The following NOSTRIN variants were observed in gnomAD, a reference collection of about 807,000 sequenced individuals.
NOSTRIN encodes nitric oxide synthase trafficking, also known as BM247 homolog.
A neutral mutation model predicts 59.0 loss-of-function variants in NOSTRIN; 63 were observed. The observed-to-expected ratio is 1.07, with a 90% CI of 0.87 to 1.32. NOSTRIN has a LOEUF of 1.32. NOSTRIN is among the 40% of genes most tolerant of loss of function. The pLI is 0.00. For synonymous variants in NOSTRIN, 200 were observed against 165.4 expected, an observed-to-expected ratio of 1.21 and a Z score of -1.61; for missense variants, 512 against 473.1, an observed-to-expected ratio of 1.08 and a Z score of -0.76.
At chr2:168,821,876 T>C (rs541892623) in intron 2 of NOSTRIN, among the ~76,000 whole-genome samples, 1 of 152,362 alleles carries the variant, frequency 6.6e-6, no homozygotes, top group Admixed American at 6.5e-5. Flanking sequence ...AGTCAGATCA[T>C]GCAGAGCTTT....
At chr2:168,818,896 C>T (rs1369247950) in intron 2 of NOSTRIN, among the ~76,000 whole-genome samples, 1 of 152,034 alleles carries the variant, frequency 6.6e-6, no homozygotes, top group Non-Finnish European at 1.5e-5. Flanking sequence ...ATTTACAGGG[C>T]AGGGTCCAGA....
intron 1 of NOSTRIN, among the ~76,000 whole-genome samples, chr2:168,810,333 C>G (rs185099973): frequency 6.6e-6 from 1 of 152,274 alleles, no homozygotes; most frequent in Admixed American, 6.5e-5. Flanking sequence ...AAGACTGTTC[C>G]TGTATCCTAG....
At chr2:168,843,956 A>T (rs1417332884) in intron 8 of NOSTRIN, among the ~76,000 whole-genome samples, 1 of 152,252 alleles carries the variant, frequency 6.6e-6, no homozygotes, top group Non-Finnish European at 1.5e-5. Flanking sequence ...CTTCATATCC[A>T]TCAAGAGAAG....
intron 15 of NOSTRIN, among the ~76,000 whole-genome samples, chr2:168,863,866 G>GAAATAT (rs1054769770): frequency 6.6e-6 from 1 of 152,014 alleles, no homozygotes; most frequent in African/African-American, 2.4e-5. Flanking sequence ...CATAGAAATA[G>GAAATAT]AAAGTGAGCC....
chr2:168,834,499 G>GTGCACACACACACA (rs1553527053), intron 7 of NOSTRIN, among the ~76,000 whole-genome samples, 174 bp downstream of exon 7: 15 of 28,600 alleles, frequency 5.2e-4, no homozygotes, highest in East Asian at 3.8e-3. Context: ...GTGCGCGCGC[G>GTGCACACACACACA]CGCGCGCGCA....
At chr2:168,799,486 C>T (rs980025825), upstream of NOSTRIN, among the ~76,000 whole-genome samples, 1 of 152,188 alleles carries the variant, frequency 6.6e-6, no homozygotes, top group African/African-American at 2.4e-5. Context: ...CTCTATCCTT[C>T]TCATCAAGAT....
upstream of NOSTRIN, among the ~76,000 whole-genome samples, chr2:168,798,958 T>A (rs1196512975): frequency 6.6e-6 from 1 of 152,132 alleles, no homozygotes; most frequent in African/African-American, 2.4e-5. Flanking sequence ...TTGCTCTGCC[T>A]CCTTGAACCC....
intron 1 of NOSTRIN, among the ~76,000 whole-genome samples, chr2:168,805,467 G>T (rs1362546208): frequency 6.6e-6 from 1 of 152,192 alleles, no homozygotes; most frequent in African/African-American, 2.4e-5. Flanking sequence ...AAATCCATGT[G>T]CAAGAAAGGC....
chr2:168,802,065 G>A (rs938758104), upstream of NOSTRIN, among the ~76,000 whole-genome samples: 1 of 152,048 alleles, frequency 6.6e-6, no homozygotes, highest in Non-Finnish European at 1.5e-5. Context: ...GGGGAATATG[G>A]GCTTGGTATT....
rs369613152 is a variant in NOSTRIN, at chr2:168,828,209, G to A, written c.249G>A (p.Ala83=). The stretch of plus-strand genomic sequence containing the variant: ...CCTCAGAGGGAATGAAATCCACAGC[G>A]GACCTGCATCAGTGAGTTCTCCCAC... ...AWASEGMKST[A]DLHQKLGKAI... Residue 83 remains alanine (A), a synonymous_variant, in exon 4 of 16, where the codon GCG becomes GCA. Transcript: ENST00000317647. The A allele has an allele frequency of 4.0e-5, 35 of 872,808 alleles. No individual in the cohort carries two copies. Among genetic ancestry groups the A allele is most frequent in the Admixed American group, 6.8e-5 (4 of 59,168 alleles). 54.1% of individuals were successfully genotyped at this position (872,808 alleles called of 1,614,324 possible).
chr2:168,792,827 A>G (rs1016779955), intron 2 of NOSTRIN, among the ~76,000 whole-genome samples: 2 of 152,196 alleles, frequency 1.3e-5, no homozygotes, highest in African/African-American at 4.8e-5. Flanking sequence ...TCCCAATAAC[A>G]GTAATAATAG....
At position 168,851,302 on chromosome 2, in the gene NOSTRIN, C is replaced by T. The variant is rs1377593139; in HGVS notation, c.753C>T (p.Ala251=). ...AGTGCCACACGCAGATTCACTGTGCCATCAGCAAGATTGACATTGAAAAAG... is the reference window on the plus strand; with the variant it reads ...AGTGCCACACGCAGATTCACTGTGCTATCAGCAAGATTGACATTGAAAAAG... ...LTTCHTQIHC[A]ISKIDIEKDI... is the part of the protein sequence containing the mutation. Residue 251 remains alanine, a synonymous_variant, in exon 10 of 16, where the codon GCC becomes GCT. Coordinates refer to ENST00000317647, the MANE Select transcript of NOSTRIN (RefSeq NM_001039724.4). 6.2e-7 allele frequency: 1 copy of T among 1,613,770 alleles called. No individual in the cohort carries two copies.
At chr2:168,807,141 C>T (rs1309847830) in intron 1 of NOSTRIN, among the ~76,000 whole-genome samples, 2 of 152,162 alleles carry the variant, frequency 1.3e-5, no homozygotes, top group African/African-American at 4.8e-5. Context: ...GGAACCCTTT[C>T]AGAGTCCTCT....
chr2:168,795,168 A>G (rs1685448504), upstream of NOSTRIN, among the ~76,000 whole-genome samples: 2 of 152,230 alleles, frequency 1.3e-5, no homozygotes. Context: ...GGAAAAGATG[A>G]ATAAATCCCA....
At chr2:168,842,884 T>G in intron 7 of NOSTRIN, 108 bp from the exon 8 acceptor site, 46 of 761,238 alleles carry the variant, frequency 6.0e-5, no homozygotes, top group Non-Finnish European at 9.3e-5. Flanking sequence ...TGACTCTACG[T>G]GAGAGGTGAG....
At position 168,831,499 on chromosome 2, in the gene NOSTRIN, A is replaced by T. The variant is rs1292047040; in HGVS notation, c.370A>T (p.Asn124Tyr). The change falls in exon 6 of 16, where the codon AAT (asparagine) becomes TAT (tyrosine). Residue 124 changes from asparagine (N) to tyrosine (Y), a missense_variant. Transcript: ENST00000317647. ...TGACAATGAAGTTGAAAAGACAGCAAATCTTGTCATTAGCAACTGGAATCA... is the reference window on the plus strand; with the variant it reads ...TGACAATGAAGTTGAAAAGACAGCATATCTTGTCATTAGCAACTGGAATCA... ...SLDNEVEKTA[N>Y]LVISNWNQQI... The T allele has an allele frequency of 2.3e-6, 2 of 867,582 alleles. No homozygotes were observed. Among genetic ancestry groups the T allele is most frequent in the Non-Finnish European group, 4.0e-6 (2 of 497,208 alleles). The allele number at this position is 867,582 out of a possible 1,614,324, so 53.7% of individuals were successfully genotyped here. A position where few individuals can be genotyped will look rare whatever the true frequency, so the allele number is the denominator to read the frequency against.
At chr2:168,826,420 C>T (rs946856017) in intron 3 of NOSTRIN, among the ~76,000 whole-genome samples, 2 of 152,078 alleles carry the variant, frequency 1.3e-5, no homozygotes, top group Non-Finnish European at 2.9e-5. Flanking sequence ...AATTCTTTCT[C>T]TCTTTCTTTC....
intron 8 of NOSTRIN, among the ~76,000 whole-genome samples, chr2:168,844,509 G>T (rs1396371527): frequency 6.6e-6 from 1 of 152,192 alleles, no homozygotes; most frequent in African/African-American, 2.4e-5. Context: ...GCACATTCAT[G>T]TGTTTCTGTT....
intron 2 of NOSTRIN, among the ~76,000 whole-genome samples, chr2:168,788,832 G>T (rs895072415): frequency 6.6e-6 from 1 of 151,984 alleles, no homozygotes; most frequent in African/African-American, 2.4e-5. Flanking sequence ...GAACACAGAT[G>T]TTAAGTGTGT....
Sources: gnomAD v4.1 joint callset for allele counts (sites outside exome capture counted in the v4.1 genomes callset) on GRCh38, gnomAD v4.1.1 for gene constraint, MANE v1.5 for transcripts, NCBI Gene and HGNC (gene_info 2026-07-23, HGNC 2026-07-21) for gene names.